Variants in AHR observed in about 807,000 individuals in gnomAD.
AHR encodes the protein AH-receptor.
In AHR, 40 loss-of-function variants were observed where a neutral mutation model predicts 86.8. The ratio of observed to expected loss-of-function variants is 0.46; its 90% CI spans 0.36 to 0.60. The LOEUF (loss-of-function observed/expected upper bound fraction) is 0.60, where lower values mean the gene tolerates loss of function less well. Among genes scored for constraint, AHR ranks in the 20% least tolerant of loss-of-function variants. The pLI is 0.00. For missense variants in AHR, 1,001 were observed against 1,011.6 expected, an observed-to-expected ratio of 0.99 and a Z score of 0.14; for synonymous variants, 398 against 354.9, an observed-to-expected ratio of 1.12 and a Z score of -1.37.
chr7:17,309,021 T>C (rs1782034652), intron 1 of AHR, among the ~76,000 whole-genome samples: 1 of 152,206 alleles, frequency 6.6e-6, no homozygotes, highest in Non-Finnish European at 1.5e-5. Flanking sequence ...AGTTTCCCAG[T>C]TCAGCGTGGG....
chr7:17,338,059 C>T (rs1307785773), intron 9 of AHR, among the ~76,000 whole-genome samples: 1 of 151,326 alleles, frequency 6.6e-6, no homozygotes, highest in Non-Finnish European at 1.5e-5. Context: ...ATTAGCCGGG[C>T]GTTGTAGCGG....
At chr7:17,313,491 A>G (rs965394858) in intron 2 of AHR, among the ~76,000 whole-genome samples, 4 of 152,192 alleles carry the variant, frequency 2.6e-5, no homozygotes, top group Non-Finnish European at 5.9e-5. Flanking sequence ...TATTTTTCCA[A>G]GAAAATACAT....
At position 17,345,297 on chromosome 7, in the gene AHR, C is replaced by A. The variant is rs1034895471; in HGVS notation, c.*2233C>A. Reference sequence around the variant, plus strand: ...CACTGCACTCCAGCCTGGCAATAGACCGAGACTCCGTCTCCAAAAAAAAAA... The same window carrying A: ...CACTGCACTCCAGCCTGGCAATAGAACGAGACTCCGTCTCCAAAAAAAAAA... On this transcript the variant is annotated 3_prime_UTR_variant, in exon 11 of 11. Transcript: ENST00000242057. 2 of 151,446 alleles carry A rather than the reference C, an allele frequency of 1.3e-5. No individual in the cohort carries two copies. The highest frequency in any genetic ancestry group is 4.2e-4 in the South Asian group (2 of 4,800). 9.4% of individuals were successfully genotyped at this position (151,446 alleles called of 1,614,324 possible).
intron 1 of AHR, among the ~76,000 whole-genome samples, chr7:17,300,062 A>G (rs1033784364): frequency 2.0e-5 from 3 of 152,178 alleles, no homozygotes; most frequent in Non-Finnish European, 2.9e-5. Context: ...TTAGAACTGC[A>G]TTTGAGAGAG....
intron 1 of AHR, among the ~76,000 whole-genome samples, chr7:17,301,293 A>G (rs1781952676): frequency 6.6e-6 from 1 of 152,040 alleles, no homozygotes; most frequent in South Asian, 2.1e-4. Context: ...AAAATTGTTA[A>G]CTTTATAATG....
intron 1 of AHR, among the ~76,000 whole-genome samples, chr7:17,309,083 C>A (rs916372018): frequency 6.6e-6 from 1 of 152,146 alleles, no homozygotes; most frequent in Non-Finnish European, 1.5e-5. Flanking sequence ...GCTGTGAAAT[C>A]CTGGCTGGGG....
rs1782396390 is a variant in AHR, at chr7:17,339,590, TTAAG to T, written c.1771_1774del (p.Lys591LeufsTer16). ...AATCCTGACGTATGTCCAAGATTCT[TTAAG>T]TAAGTCTCCCTTCATACCTTCAGAT... On this transcript the variant is annotated frameshift_variant, in exon 10 of 11. Transcript: ENST00000242057. LOFTEE classifies it high-confidence loss of function. The T allele has an allele frequency of 6.2e-7, 1 of 1,614,036 alleles. No homozygotes were observed. The highest frequency in any genetic ancestry group is 1.7e-5 in the Admixed American group (1 of 60,010).
chr7:17,307,957 G>C (rs1782022612), intron 1 of AHR, among the ~76,000 whole-genome samples: 1 of 152,094 alleles, frequency 6.6e-6, no homozygotes, highest in African/African-American at 2.4e-5. Context: ...CATCACATCA[G>C]AGAGACCTTC....
chr7:17,307,242 T>G (rs961356769), intron 1 of AHR, among the ~76,000 whole-genome samples: 1 of 152,120 alleles, frequency 6.6e-6, no homozygotes, highest in Non-Finnish European at 1.5e-5. Context: ...CTCTCTTCTC[T>G]CCAGTGTTTC....
chr7:17,340,104 C>G lies in AHR; in HGVS notation c.2279C>G (p.Thr760Ser). The G allele has an allele frequency of 6.2e-7, 1 of 1,614,186 alleles. No individual in the cohort carries two copies. Among genetic ancestry groups the G allele is most frequent in the Non-Finnish European group, 8.5e-7 (1 of 1,180,030 alleles). Reference sequence around the variant, plus strand: ...TTAAATCCACAGTCAGCCATAATAACTCCTCAGACATGTTATGCTGGGGCC... The same window carrying G: ...TTAAATCCACAGTCAGCCATAATAAGTCCTCAGACATGTTATGCTGGGGCC... ...HGLNPQSAII[T>S]PQTCYAGAVS... The change falls in exon 10 of 11, where the codon ACT (threonine) becomes AGT (serine). Residue 760 changes from threonine to serine, a missense_variant. Physicochemically the swap from Thr to Ser is moderately conservative, Grantham distance 58. Coordinates refer to ENST00000242057, the MANE Select transcript of AHR (RefSeq NM_001621.5).
At chr7:17,302,912 C>T (rs189293535) in intron 1 of AHR, among the ~76,000 whole-genome samples, 39 of 151,968 alleles carry the variant, frequency 2.6e-4, no homozygotes, top group Admixed American at 1.1e-3. Flanking sequence ...ACAATCAATT[C>T]GCCCGTGAAA....
chr7:17,339,159 C>T lies in AHR; in HGVS notation c.1334C>T (p.Thr445Ile). ...GGAAAAGACTCTGCTACCACATCCACTCTAAGCAAGGACTCTCTCAATCCT... is the reference window on the plus strand; with the variant it reads ...GGAAAAGACTCTGCTACCACATCCATTCTAAGCAAGGACTCTCTCAATCCT... Reference protein sequence around the residue: ...TSGKDSATTSTLSKDSLNPSS... With the variant: ...TSGKDSATTSILSKDSLNPSS... Residue 445 changes from threonine (T) to isoleucine (I), a missense_variant, in exon 10 of 11, where the codon ACT (threonine) becomes ATT (isoleucine). By Grantham distance (89) the Thr-to-Ile change is moderately conservative (BLOSUM62 -1). This residue lies in a region of AHR where 607 missense variants were observed against 543.1 expected (regional missense o/e 1.12). Transcript: ENST00000242057. 6.2e-7 allele frequency: 1 copy of T among 1,614,188 alleles called. No homozygotes were observed. Among genetic ancestry groups the T allele is most frequent in the Non-Finnish European group, 8.5e-7 (1 of 1,180,024 alleles).
intron 6 of AHR, 152 bp downstream of exon 6, chr7:17,331,038 A>G (rs1360963564): frequency 2.6e-6 from 2 of 768,798 alleles, no homozygotes; most frequent in African/African-American, 1.8e-5. Context: ...TCACTTAAAA[A>G]CATGGGCTGG....
At position 17,339,407 on chromosome 7, in the gene AHR, C is replaced by A; in HGVS notation, c.1582C>A (p.Pro528Thr). 1 of 1,614,094 alleles carries A rather than the reference C, an allele frequency of 6.2e-7. No homozygotes were observed. Among genetic ancestry groups the A allele is most frequent in the East Asian group, 2.2e-5 (1 of 44,886 alleles). The change falls in exon 10 of 11, where the codon CCA becomes ACA. Residue 528 changes from proline to threonine, a missense_variant. Physicochemically the swap from Pro to Thr is conservative, Grantham distance 38. This residue lies in a region of AHR where 607 missense variants were observed against 543.1 expected (regional missense o/e 1.12). Transcript: ENST00000242057. ...QDVNSFAGGHPGLFQDSKNSD... is the reference protein window; with the variant it reads ...QDVNSFAGGHTGLFQDSKNSD... The stretch of plus-strand genomic sequence containing the variant: ...TGTGAACTCATTTGCTGGAGGTCAC[C>A]CAGGGCTCTTTCAAGATAGTAAAAA...
intron 1 of AHR, among the ~76,000 whole-genome samples, chr7:17,308,318 A>G (rs1379268475): frequency 6.6e-6 from 1 of 152,190 alleles, no homozygotes; most frequent in South Asian, 2.1e-4. Flanking sequence ...CCCTCACTCA[A>G]GATCCATCTC....
In AHR at chr7:17,339,249, C is replaced by T; in HGVS notation, c.1424C>T (p.Thr475Ile). 2 of 1,614,198 alleles carry T rather than the reference C, an allele frequency of 1.2e-6. No individual in the cohort carries two copies. Among genetic ancestry groups the T allele is most frequent in the East Asian group, 2.2e-5 (1 of 44,882 alleles). The change falls in exon 10 of 11, where the codon ACT (threonine) becomes ATT (isoleucine). Residue 475 changes from threonine (T) to isoleucine (I), a missense_variant. Physicochemically the swap from Thr to Ile is moderately conservative, Grantham distance 89. This residue lies in a region of AHR where 607 missense variants were observed against 543.1 expected (regional missense o/e 1.12). Transcript: ENST00000242057. ...ATTTATCTCTATCCTGCTTCAAGTA[C>T]TTCAAGTACTGCACCTTTTGAAAAC... ...ESIYLYPASS[T>I]SSTAPFENNF... is the part of the protein sequence containing the mutation.
At chr7:17,318,067 G>C (rs1185655930) in intron 2 of AHR, among the ~76,000 whole-genome samples, 2 of 152,078 alleles carry the variant, frequency 1.3e-5, no homozygotes, top group African/African-American at 4.8e-5. Flanking sequence ...TAAAGGGGAT[G>C]GTAAATATTA....
chr7:17,312,673 T>C (rs866216651), intron 2 of AHR, among the ~76,000 whole-genome samples: 13 of 152,344 alleles, frequency 8.5e-5, no homozygotes, highest in Middle Eastern at 6.8e-3. Context: ...TCTTCATTAA[T>C]GAGTTTGTCT....
At chr7:17,329,868 C>A in intron 4 of AHR, 84 bp from the exon 5 acceptor site, 2 of 1,262,448 alleles carry the variant, frequency 1.6e-6, no homozygotes, top group Non-Finnish European at 2.2e-6. Context: ...CAAGCACCCA[C>A]TAATCTAAAT....
Sources: gnomAD v4.1 joint callset for allele counts (sites outside exome capture counted in the v4.1 genomes callset) on GRCh38, gnomAD v4.1.1 for gene constraint, gnomAD v4.1.1 regional missense constraint, MANE v1.5 for transcripts, NCBI Gene and HGNC (gene_info 2026-07-23, HGNC 2026-07-21) for gene names.